The following TMEM266 variants were observed in gnomAD, a reference collection of about 807,000 sequenced individuals.
TMEM266 encodes the protein transmembrane protein 266, also known as Hv1 related protein 1.
In TMEM266, 33 loss-of-function variants were observed where a neutral mutation model predicts 50.5. The ratio of observed to expected loss-of-function variants is 0.65; its 90% CI spans 0.50 to 0.87. TMEM266 has a LOEUF of 0.87. Among genes scored for constraint, TMEM266 ranks in the 40% least tolerant of loss-of-function variants. TMEM266 has a pLI of 0.00. For synonymous variants in TMEM266, 310 were observed against 292.3 expected, an observed-to-expected ratio of 1.06 and a Z score of -0.62; for missense variants, 655 against 695.1, an observed-to-expected ratio of 0.94 and a Z score of 0.65.
chr15:76,074,987 A>G (rs773483873), intron 1 of TMEM266, among the ~76,000 whole-genome samples: 2 of 152,128 alleles, frequency 1.3e-5, no homozygotes, highest in Non-Finnish European at 2.9e-5. Context: ...TTGGAGGGAT[A>G]AAATTGCCAT....
At chr15:76,122,210 T>C (rs2037357363) in intron 1 of TMEM266, among the ~76,000 whole-genome samples, 1 of 152,242 alleles carries the variant, frequency 6.6e-6, no homozygotes, top group South Asian at 2.1e-4. Flanking sequence ...GTCATGATGA[T>C]GGGAAAGGTG....
At chr15:76,164,712 A>G (rs2038066655) in intron 5 of TMEM266, among the ~76,000 whole-genome samples, 1 of 152,176 alleles carries the variant, frequency 6.6e-6, no homozygotes, top group Non-Finnish European at 1.5e-5. Flanking sequence ...AGTGCCTGGT[A>G]CCCATGGTGG....
At chr15:76,075,581 T>G (rs1022928240) in intron 1 of TMEM266, among the ~76,000 whole-genome samples, 1 of 152,074 alleles carries the variant, frequency 6.6e-6, no homozygotes, top group Non-Finnish European at 1.5e-5. Context: ...CAATTCTCCC[T>G]CATTTTGTTG....
rs141041027 is a variant in TMEM266, at chr15:76,139,011, C to T, written c.227+1116C>T. Among the ~76,000 whole-genome samples the T allele has an allele frequency of 4.5e-3, 679 of 152,316 alleles. 9 individuals carry two copies. The highest frequency in any genetic ancestry group is 0.016 in the African/African-American group (652 of 41,568). On this transcript the variant is annotated intron_variant, in intron 3 of 10. Coordinates refer to ENST00000388942, the MANE Select transcript of TMEM266 (RefSeq NM_152335.3). The surrounding 1 kb of genome is among the most constrained non-coding windows in gnomAD (Gnocchi z 4.1). ...ATCAGACTTCCGACTCTGACAAGGGCTTTCCCTAGCTTCACCCTGGCAGGA... is the reference window on the plus strand; with the variant it reads ...ATCAGACTTCCGACTCTGACAAGGGTTTTCCCTAGCTTCACCCTGGCAGGA...
intron 2 of TMEM266, 147 bp from the exon 3 acceptor site, chr15:76,137,560 G>T: frequency 1.3e-6 from 1 of 756,852 alleles, no homozygotes. Context: ...TCGGGTCCGC[G>T]GGTGGCCAGC....
intron 3 of TMEM266, among the ~76,000 whole-genome samples, chr15:76,149,858 T>G (rs1217439771): frequency 1.3e-5 from 2 of 152,240 alleles, no homozygotes; most frequent in Non-Finnish European, 2.9e-5. Context: ...TCAATAAAAC[T>G]AAAGTCCATG....
chr15:76,098,496 C>T (rs1187903484), intron 1 of TMEM266, among the ~76,000 whole-genome samples: 1 of 152,124 alleles, frequency 6.6e-6, no homozygotes, highest in Non-Finnish European at 1.5e-5. Context: ...CCAGAGCTCT[C>T]CTGTATGAGG....
chr15:76,154,833 G>T (rs2037900421), intron 3 of TMEM266, among the ~76,000 whole-genome samples: 1 of 152,196 alleles, frequency 6.6e-6, no homozygotes, highest in Admixed American at 6.5e-5. Flanking sequence ...TGTGAGCTTT[G>T]TCTGTCCTTC....
At chr15:76,172,822 G>C (rs1378395202) in intron 7 of TMEM266, among the ~76,000 whole-genome samples, 1 of 152,168 alleles carries the variant, frequency 6.6e-6, no homozygotes, top group East Asian at 1.9e-4. Context: ...CCTGCAGTCT[G>C]CTCAGGGCCC....
At chr15:76,105,862 C>T (rs2037071971) in intron 1 of TMEM266, among the ~76,000 whole-genome samples, 1 of 152,158 alleles carries the variant, frequency 6.6e-6, no homozygotes, top group African/African-American at 2.4e-5. Context: ...ACAGTGTTCC[C>T]TCCTATATAC....
intron 8 of TMEM266, among the ~76,000 whole-genome samples, chr15:76,190,342 G>C (rs1212580374): frequency 6.6e-6 from 1 of 152,228 alleles, no homozygotes; most frequent in Non-Finnish European, 1.5e-5. Flanking sequence ...AAGTTGGTCA[G>C]GTGGGCAGGG....
In TMEM266 at chr15:76,153,582, G is replaced by A. The variant is rs969968039; in HGVS notation, c.228-3022G>A. Reference sequence around the variant, plus strand: ...CCAGGTGTCCTTGGGCCCTAGAAAAGACCATGCTAGAGCTGTGGGGGAGGA... The same window carrying A: ...CCAGGTGTCCTTGGGCCCTAGAAAAAACCATGCTAGAGCTGTGGGGGAGGA... On this transcript the variant is annotated intron_variant, in intron 3 of 10. Transcript: ENST00000388942. This position sits in a 1 kb window ranked among gnomAD's most constrained non-coding sequence, Gnocchi z 4.2. Among the ~76,000 whole-genome samples the A allele has an allele frequency of 1.3e-5, 2 of 152,204 alleles. No individual in the cohort carries two copies. Among genetic ancestry groups the A allele is most frequent in the African/African-American group, 2.4e-5 (1 of 41,454 alleles).
intron 3 of TMEM266, among the ~76,000 whole-genome samples, chr15:76,151,113 T>A (rs965640712): frequency 1.3e-5 from 2 of 152,066 alleles, no homozygotes; most frequent in Non-Finnish European, 2.9e-5. Context: ...AGACAGGACA[T>A]TGGGAAACGC....
intron 4 of TMEM266, 152 bp from the exon 5 acceptor site, chr15:76,159,943 G>T: frequency 1.4e-6 from 1 of 696,574 alleles, no homozygotes; most frequent in East Asian, 2.6e-5. Context: ...AGCTGAAGCT[G>T]CCCTTGCTCT....
chr15:76,165,076 C>T (rs2957040), intron 5 of TMEM266, among the ~76,000 whole-genome samples: 14,208 of 152,370 alleles, frequency 0.093, 789 homozygotes, highest in Non-Finnish European at 0.13. Context: ...AGGGCCTCGG[C>T]CTCAGGCAGC....
intron 3 of TMEM266, 129 bp downstream of exon 3, chr15:76,138,024 C>T: frequency 1.2e-6 from 1 of 848,706 alleles, no homozygotes. Context: ...GAGTTCGAGA[C>T]CAGCCTGGCC....
chr15:76,121,587 T>C (rs1411111552), intron 1 of TMEM266, among the ~76,000 whole-genome samples: 1 of 152,130 alleles, frequency 6.6e-6, no homozygotes, highest in Non-Finnish European at 1.5e-5. Context: ...CAGATAATTT[T>C]TGTATTTTTA....
chr15:76,198,122 T>A (rs1156389147), intron 9 of TMEM266, among the ~76,000 whole-genome samples: 1 of 152,068 alleles, frequency 6.6e-6, no homozygotes, highest in Non-Finnish European at 1.5e-5. Context: ...AGGGACTCTT[T>A]CCAGTTCACC....
chr15:76,160,845 C>T lies in TMEM266; in HGVS notation c.456+677C>T, dbSNP rs72736829. Among the ~76,000 whole-genome samples the T allele has an allele frequency of 9.5e-3, 1,439 of 152,264 alleles. 13 individuals are homozygous for T. The highest frequency in any genetic ancestry group is 0.013 in the Non-Finnish European group (870 of 68,016). ...GGGAGGGGGAAAGTTTATGGAGATC[C>T]GCAGGCCCCCGGGCTTGGTGCAGAA... is the stretch of plus-strand genomic sequence containing the variant. On this transcript the variant is annotated intron_variant, in intron 5 of 10. Coordinates refer to ENST00000388942, the MANE Select transcript of TMEM266 (RefSeq NM_152335.3). This position sits in a 1 kb window ranked among gnomAD's most constrained non-coding sequence, Gnocchi z 5.7.
Sources: allele counts gnomAD v4.1 joint callset (sites outside exome capture counted in the v4.1 genomes callset), GRCh38; gene constraint gnomAD v4.1.1; non-coding constraint Gnocchi (gnomAD v3.1); transcripts MANE v1.5; gene names NCBI Gene and HGNC (gene_info 2026-07-23, HGNC 2026-07-21).